Variants in TRAPPC9 observed in about 807,000 individuals in gnomAD.
The protein encoded by TRAPPC9 is IKK2 binding protein.
In TRAPPC9, 83 loss-of-function variants were observed where a neutral mutation model predicts 124.0. That is an observed-to-expected ratio of 0.67 (90% CI 0.56 to 0.80). The LOEUF (loss-of-function observed/expected upper bound fraction) is 0.80, where lower values mean the gene tolerates loss of function less well. Ranked by LOEUF, TRAPPC9 falls within the 30% of genes least tolerant of loss-of-function variation. The pLI, the probability that TRAPPC9 is intolerant of heterozygous loss-of-function variation, is 0.00. For missense variants in TRAPPC9, 1,302 were observed against 1,508.3 expected (o/e 0.86, Z 2.27); for synonymous variants, 638 against 617.5 (o/e 1.03, Z -0.49).
chr8:140,107,852 C>T (rs2060695016), intron 17 of TRAPPC9, among the ~76,000 whole-genome samples: 1 of 146,766 alleles, frequency 6.8e-6, no homozygotes, highest in Non-Finnish European at 1.5e-5. Context: ...TCAATCTGTG[C>T]AGGGCAGAGA....
chr8:140,201,398 A>G (rs1440819049), intron 17 of TRAPPC9, among the ~76,000 whole-genome samples: 1 of 152,222 alleles, frequency 6.6e-6, no homozygotes, highest in Non-Finnish European at 1.5e-5. Flanking sequence ...CCTTGATGTA[A>G]AAAACAACAA....
rs909191036 is a variant in TRAPPC9 at position 140,289,170 on chromosome 8, ATATAGT to A, written c.1855-1442_1855-1437del. Among the ~76,000 whole-genome samples, 48 of 136,378 alleles carry A rather than the reference ATATAGT, an allele frequency of 3.5e-4. 1 individual carries two copies. The highest frequency in any genetic ancestry group is 1.9e-3 in the South Asian group (8 of 4,162). 89.5% of individuals were successfully genotyped at this position (136,378 alleles called of 152,430 possible). A position where few individuals can be genotyped will look rare whatever the true frequency, so the allele number is the denominator to read the frequency against. On this transcript the variant is annotated intron_variant, in intron 12 of 22. Coordinates refer to ENST00000438773, the MANE Select transcript of TRAPPC9 (RefSeq NM_001160372.4). Reference sequence around the variant, plus strand: ...TGTAGGCATATGGGTTTAGATATATATATAGTGTGTGTGTGTGTGTGTGTGTGTGTG... The same window carrying A: ...TGTAGGCATATGGGTTTAGATATATAGTGTGTGTGTGTGTGTGTGTGTGTG...
intron 17 of TRAPPC9, among the ~76,000 whole-genome samples, chr8:140,093,951 C>T (rs1025303175): frequency 3.3e-5 from 5 of 152,212 alleles, no homozygotes; most frequent in Admixed American, 6.5e-5. Flanking sequence ...TGAAGTCTAA[C>T]GAAGTTCCCT....
intron 21 of TRAPPC9, among the ~76,000 whole-genome samples, chr8:139,791,368 G>A (rs2130605365): frequency 7.2e-6 from 1 of 139,240 alleles, no homozygotes; most frequent in African/African-American, 2.7e-5. Flanking sequence ...CATCTCCCCT[G>A]CACACACTCA....
chr8:140,322,665 C>CAA (rs752277470), intron 9 of TRAPPC9, among the ~76,000 whole-genome samples: 19 of 127,318 alleles, frequency 1.5e-4, no homozygotes, highest in African/African-American at 5.5e-4. Context: ...CCCATCTCTA[C>CAA]AAAAAAAAAA....
At chr8:140,377,583 C>T (rs544612924) in intron 7 of TRAPPC9, among the ~76,000 whole-genome samples, 3 of 152,250 alleles carry the variant, frequency 2.0e-5, no homozygotes, top group African/African-American at 7.2e-5. Flanking sequence ...GCATGAGCCA[C>T]TGCACCCAGC....
chr8:140,089,895 C>T (rs544904540), intron 17 of TRAPPC9, among the ~76,000 whole-genome samples: 5 of 152,016 alleles, frequency 3.3e-5, no homozygotes, highest in African/African-American at 4.8e-5. Context: ...CTGGCCAACA[C>T]GGTAAAACCC....
chr8:140,074,981 A>G (rs567056100), intron 17 of TRAPPC9, among the ~76,000 whole-genome samples: 1 of 152,282 alleles, frequency 6.6e-6, no homozygotes, highest in South Asian at 2.1e-4. Flanking sequence ...ACTGGAACCC[A>G]GAAAAGAGAC....
intron 18 of TRAPPC9, among the ~76,000 whole-genome samples, chr8:139,992,679 G>A (rs1218723298): frequency 6.7e-6 from 1 of 150,050 alleles, no homozygotes; most frequent in Admixed American, 6.7e-5. Flanking sequence ...TTATAAGGCT[G>A]TAATCATGAA....
chr8:140,169,329 A>C (rs894365630), intron 17 of TRAPPC9, among the ~76,000 whole-genome samples: 2 of 152,190 alleles, frequency 1.3e-5, no homozygotes, highest in Non-Finnish European at 2.9e-5. Context: ...ACCCTCGCGC[A>C]TGACTGGCGG....
intron 7 of TRAPPC9, among the ~76,000 whole-genome samples, chr8:140,384,584 A>G (rs2068702664): frequency 6.6e-6 from 1 of 152,248 alleles, no homozygotes; most frequent in South Asian, 2.1e-4. Context: ...ATAATGGCAT[A>G]ATGGTAAAGG....
At chr8:140,249,597 CTTTTTTTTTTTTTT>C (rs35511380) in intron 16 of TRAPPC9, among the ~76,000 whole-genome samples, 1 of 81,962 alleles carries the variant, frequency 1.2e-5, no homozygotes, top group Non-Finnish European at 2.1e-5. Flanking sequence ...ATCTTTCACT[CTTTTTTTTTTTTTT>C]TTTTTTTTTT....
At chr8:139,908,512 C>G (rs1357108486) in intron 20 of TRAPPC9, 1 of 152,206 alleles carries the variant, frequency 6.6e-6, no homozygotes, top group Non-Finnish European at 1.5e-5. Flanking sequence ...GAGGTGAGTG[C>G]CAGGGGTCCC....
chr8:140,107,672 C>G (rs971161309), intron 17 of TRAPPC9, among the ~76,000 whole-genome samples: 4 of 152,168 alleles, frequency 2.6e-5, no homozygotes, highest in African/African-American at 9.7e-5. Context: ...GTAAGCATGG[C>G]CAAGGCTTAC....
chr8:140,015,716 G>A (rs1839424551), intron 18 of TRAPPC9, among the ~76,000 whole-genome samples: 1 of 152,212 alleles, frequency 6.6e-6, no homozygotes, highest in African/African-American at 2.4e-5. Context: ...GCTGAGGCAG[G>A]AGAATCACTT....
At chr8:140,092,123 G>A (rs1231024306) in intron 17 of TRAPPC9, among the ~76,000 whole-genome samples, 1 of 147,970 alleles carries the variant, frequency 6.8e-6, no homozygotes, top group Admixed American at 6.7e-5. Flanking sequence ...ATTGATGGAA[G>A]CCACCATTAG....
chr8:140,244,403 A>G (rs1338377779), intron 16 of TRAPPC9, among the ~76,000 whole-genome samples: 1 of 152,228 alleles, frequency 6.6e-6, no homozygotes, highest in African/African-American at 2.4e-5. Context: ...ATCATGTCTA[A>G]CAGAAACTGT....
intron 7 of TRAPPC9, among the ~76,000 whole-genome samples, chr8:140,388,956 CTTTT>C (rs1244741598): frequency 5.7e-4 from 71 of 125,344 alleles, no homozygotes; most frequent in African/African-American, 1.5e-3. Flanking sequence ...CAAACACTGT[CTTTT>C]TTTTTTTTTT....
intron 17 of TRAPPC9, among the ~76,000 whole-genome samples, chr8:140,202,038 A>C (rs1200597122): frequency 6.6e-6 from 1 of 152,226 alleles, no homozygotes; most frequent in Non-Finnish European, 1.5e-5. Flanking sequence ...TTGCACCACA[A>C]CAATGCCATT....
Sources: gnomAD v4.1 joint callset for allele counts (sites outside exome capture counted in the v4.1 genomes callset) on GRCh38, gnomAD v4.1.1 for gene constraint, MANE v1.5 for transcripts, NCBI Gene and HGNC (gene_info 2026-07-23, HGNC 2026-07-21) for gene names.